CTNNA3: variants seen among roughly 807,000 people sequenced by gnomAD.
CTNNA3 encodes catenin alpha-3.
CTNNA3 carries 76 observed loss-of-function variants against 95.7 expected under a neutral mutation model. The ratio of observed to expected loss-of-function variants is 0.79; its 90% confidence interval spans 0.66 to 0.96. CTNNA3 has a LOEUF of 0.96. Among genes scored for constraint, CTNNA3 ranks in the 40% least tolerant of loss-of-function variants. CTNNA3 has a pLI of 0.00. For synonymous variants in CTNNA3, 431 were observed against 374.4 expected (o/e 1.15, Z -1.74); for missense variants, 1,191 against 1,089.8 (o/e 1.09, Z -1.31).
chr10:66,479,375 T>C (rs1253935076), intron 11 of CTNNA3, among the ~76,000 whole-genome samples: 1 of 152,092 alleles, frequency 6.6e-6, no homozygotes, highest in Admixed American at 6.5e-5. Flanking sequence ...TGGCTTTTAT[T>C]GACTCTTTGT....
At chr10:66,693,088 A>G (rs1272583934) in intron 9 of CTNNA3, among the ~76,000 whole-genome samples, 4 of 152,200 alleles carry the variant, frequency 2.6e-5, no homozygotes, top group African/African-American at 9.7e-5. Context: ...CATCACAATG[A>G]TAGGATCAAA....
At chr10:66,903,426 G>A (rs535718460) in intron 7 of CTNNA3, among the ~76,000 whole-genome samples, 28 of 152,138 alleles carry the variant, frequency 1.8e-4, no homozygotes, top group South Asian at 4.2e-4. Flanking sequence ...ATATCATACC[G>A]AATGGACAAA....
At chr10:67,142,331 C>CA (rs200086168) in intron 7 of CTNNA3, among the ~76,000 whole-genome samples, 1 of 151,542 alleles carries the variant, frequency 6.6e-6, no homozygotes, top group Non-Finnish European at 1.5e-5. Context: ...GGTTTCCTTC[C>CA]AAAAAAAAAA....
chr10:67,758,373 T>C (rs1841445489), intron 1 of CTNNA3, among the ~76,000 whole-genome samples: 3 of 151,742 alleles, frequency 2.0e-5, no homozygotes, highest in Admixed American at 2.0e-4. Context: ...TTAGCCACTC[T>C]GTTTCTCTAG....
At chr10:66,507,669 C>T (rs572905718) in intron 11 of CTNNA3, among the ~76,000 whole-genome samples, 1 of 152,072 alleles carries the variant, frequency 6.6e-6, no homozygotes, top group South Asian at 2.1e-4. Context: ...TTACCAACGA[C>T]AATATTTCAT....
intron 7 of CTNNA3, among the ~76,000 whole-genome samples, chr10:67,157,680 G>A (rs1024761945): frequency 2.0e-5 from 3 of 152,034 alleles, no homozygotes; most frequent in Admixed American, 6.6e-5. Context: ...AATTAGCCGC[G>A]CATGTAGCCC....
chr10:65,976,177 T>C (rs1318639207), intron 16 of CTNNA3, among the ~76,000 whole-genome samples: 1 of 152,154 alleles, frequency 6.6e-6, no homozygotes, highest in Admixed American at 6.5e-5. Context: ...ATCAGTCTTC[T>C]TGCCAATTTT....
intron 5 of CTNNA3, among the ~76,000 whole-genome samples, chr10:67,221,192 C>A (rs1864634457): frequency 6.6e-6 from 1 of 152,004 alleles, no homozygotes; most frequent in Non-Finnish European, 1.5e-5. Flanking sequence ...TTTGTAGTGG[C>A]AAATGTAAGA....
At chr10:67,397,522 G>T (rs1213038373) in intron 5 of CTNNA3, among the ~76,000 whole-genome samples, 1 of 152,182 alleles carries the variant, frequency 6.6e-6, no homozygotes, top group Non-Finnish European at 1.5e-5. Context: ...GAGCATAAAA[G>T]TTCGGAAAAT....
intron 9 of CTNNA3, among the ~76,000 whole-genome samples, chr10:66,730,647 CT>C (rs1299075742): frequency 1.3e-5 from 2 of 152,152 alleles, no homozygotes; most frequent in African/African-American, 4.8e-5. Flanking sequence ...TCACATTCCC[CT>C]GATCTCTTCC....
At chr10:66,990,741 G>C (rs1195110096) in intron 7 of CTNNA3, among the ~76,000 whole-genome samples, 1 of 152,132 alleles carries the variant, frequency 6.6e-6, no homozygotes, top group African/African-American at 2.4e-5. Flanking sequence ...AGATAATCTG[G>C]AATTTTATGT....
In CTNNA3 at chr10:65,965,393, C is replaced by CTTTTTTTTT. The variant is rs561552884; in HGVS notation, c.2400+1210_2400+1218dup. ...GTCACTATTTGTTTCCTCCCCTCTA[C>CTTTTTTTTT]TTTTTTTTTTTTTTTTTTTTTTTTT... is the stretch of plus-strand genomic sequence containing the variant. On this transcript the variant is annotated intron_variant, in intron 17 of 17. Transcript: ENST00000433211. 5.8e-4 allele frequency among the ~76,000 whole-genome samples: 45 copies of CTTTTTTTTT among 77,640 alleles called. 4 individuals are homozygous for CTTTTTTTTT. Among genetic ancestry groups the CTTTTTTTTT allele is most frequent in the African/African-American group, 2.3e-3 (44 of 19,018 alleles). The allele number at this position is 77,640 out of a possible 152,430, so 50.9% of individuals were successfully genotyped here.
rs767030272 is a variant in CTNNA3, at chr10:66,239,544, A to T, written c.1884+40926T>A. On this transcript the variant is annotated intron_variant, in intron 13 of 17. Transcript: ENST00000433211. ...CTCAACAACAACAACATCAACAAAA[A>T]CAAAAGCACTTTATCATCATTCAGA... is the stretch of plus-strand genomic sequence containing the variant. 1.4e-4 allele frequency among the ~76,000 whole-genome samples: 21 copies of T among 152,110 alleles called. 1 individual carries two copies. Among genetic ancestry groups the T allele is most frequent in the Non-Finnish European group, 1.5e-4 (10 of 67,914 alleles).
At chr10:67,490,030 T>G (rs555298547) in intron 5 of CTNNA3, among the ~76,000 whole-genome samples, 1 of 152,250 alleles carries the variant, frequency 6.6e-6, no homozygotes, top group African/African-American at 2.4e-5. Flanking sequence ...TTAATGTAAT[T>G]TTATTCTCAT....
chr10:66,969,004 G>C lies in CTNNA3; in HGVS notation c.1048-193480C>G, dbSNP rs1849580999. Reference sequence around the variant, plus strand: ...TGCACTCCAGCCTGGGCAACAGAATGAGACTCCATCTCAAAATAAATAAAT... The same window carrying C: ...TGCACTCCAGCCTGGGCAACAGAATCAGACTCCATCTCAAAATAAATAAAT... On this transcript the variant is annotated intron_variant, in intron 7 of 17. Coordinates refer to ENST00000433211, the MANE Select transcript of CTNNA3 (RefSeq NM_013266.4). Among the ~76,000 whole-genome samples the C allele has an allele frequency of 3.3e-5, 5 of 152,068 alleles. No individual in the cohort carries two copies. In the South Asian group the frequency reaches 1.0e-3, roughly 32 times the overall value.
intron 10 of CTNNA3, among the ~76,000 whole-genome samples, chr10:66,584,840 AT>A (rs539931411): frequency 3.9e-5 from 6 of 152,018 alleles, no homozygotes; most frequent in Non-Finnish European, 8.8e-5. Context: ...TTGTTTCAAG[AT>A]TTAGTATTCT....
At chr10:66,899,197 TACA>T (rs1353845408) in intron 7 of CTNNA3, among the ~76,000 whole-genome samples, 5 of 151,988 alleles carry the variant, frequency 3.3e-5, no homozygotes, top group African/African-American at 1.2e-4. Context: ...TATAGAAAAA[TACA>T]ACAACAACTC....
At chr10:66,513,837 G>A (rs767989352) in intron 11 of CTNNA3, among the ~76,000 whole-genome samples, 28 of 152,266 alleles carry the variant, frequency 1.8e-4, no homozygotes, top group Non-Finnish European at 3.4e-4. Flanking sequence ...CCTCCCTGAC[G>A]TGCAGGACTG....
chr10:66,379,272 C>T lies in CTNNA3; in HGVS notation c.1612G>A (p.Gly538Ser). ...QDADNLDRAA[G>S]AIRGRAARVA... ...CTTGCTGCCCGGCCTCTGATAGCACCCGCAGCACGGTCTAAATTATCAGCA... is the reference window on the plus strand; with the variant it reads ...CTTGCTGCCCGGCCTCTGATAGCACTCGCAGCACGGTCTAAATTATCAGCA... Residue 538 changes from glycine (G) to serine (S), a missense_variant, in exon 12 of 18, where the codon GGT (glycine) becomes AGT (serine). Gly to Ser is a moderately conservative substitution (Grantham distance 56, BLOSUM62 0). Coordinates refer to ENST00000433211, the MANE Select transcript of CTNNA3 (RefSeq NM_013266.4). 6.2e-7 allele frequency: 1 copy of T among 1,614,142 alleles called. No individual in the cohort carries two copies. The highest frequency in any genetic ancestry group is 8.5e-7 in the Non-Finnish European group (1 of 1,179,980).
Sources: allele counts gnomAD v4.1 joint callset (sites outside exome capture counted in the v4.1 genomes callset), GRCh38; gene constraint gnomAD v4.1.1; transcripts MANE v1.5; gene names NCBI Gene and HGNC (gene_info 2026-07-23, HGNC 2026-07-21).